The following ERC2 variants were observed in gnomAD, a reference collection of about 807,000 sequenced individuals.
The protein encoded by ERC2 is ELKS/RAB6-interacting/CAST family member 2, also known as ERC protein 2.
Under a neutral mutation model 114.8 loss-of-function variants are expected in ERC2, and 42 were observed. That is an observed-to-expected ratio of 0.37 (90% CI 0.29 to 0.47). The LOEUF (loss-of-function observed/expected upper bound fraction) is 0.47, where lower values mean the gene tolerates loss of function less well. Among genes scored for constraint, ERC2 ranks in the 20% least tolerant of loss-of-function variants. ERC2 has a pLI of 0.99. For synonymous variants in ERC2, 454 were observed against 425.5 expected (o/e 1.07, Z -0.82); for missense variants, 939 against 1,150.7 (o/e 0.82, Z 2.66).
chr3:55,524,871 C>G (rs1663123752), intron 17 of ERC2, among the ~76,000 whole-genome samples: 5 of 152,202 alleles, frequency 3.3e-5, no homozygotes, highest in Admixed American at 3.3e-4. Flanking sequence ...TGTGCCAAAG[C>G]AGAAGAAATT....
At chr3:55,996,221 C>T (rs2071498832) in intron 10 of ERC2, among the ~76,000 whole-genome samples, 1 of 152,166 alleles carries the variant, frequency 6.6e-6, no homozygotes, top group African/African-American at 2.4e-5. Context: ...CCTTTCTATA[C>T]TTCTAAGGAA....
intron 17 of ERC2, among the ~76,000 whole-genome samples, chr3:55,679,379 T>G (rs1428753477): frequency 6.6e-6 from 1 of 152,228 alleles, no homozygotes; most frequent in African/African-American, 2.4e-5. Context: ...AGATGCTTGC[T>G]GAACATCCTT....
chr3:56,363,909 G>A (rs1337095804), intron 2 of ERC2, among the ~76,000 whole-genome samples: 1 of 151,034 alleles, frequency 6.6e-6, no homozygotes, highest in African/African-American at 2.4e-5. Context: ...AGGAAGGGAA[G>A]GAGGGTAGGA....
In ERC2 at chr3:55,997,109, G is replaced by A. The variant is rs183152107; in HGVS notation, c.2062-4859C>T. Among the ~76,000 whole-genome samples, 30 of 152,210 alleles carry A rather than the reference G, an allele frequency of 2.0e-4. No individual in the cohort carries two copies. The East Asian group carries it at 4.0e-3, about 21-fold the overall frequency. On this transcript the variant is annotated intron_variant, in intron 10 of 17. Coordinates refer to ENST00000288221, the MANE Select transcript of ERC2 (RefSeq NM_015576.3). The stretch of plus-strand genomic sequence containing the variant: ...ATTCAATTATTACATTATATAACAC[G>A]TTCCCTTTGAAATAAACCCTACCAA...
At chr3:56,125,743 T>C (rs781601874) in intron 6 of ERC2, among the ~76,000 whole-genome samples, 3 of 152,222 alleles carry the variant, frequency 2.0e-5, no homozygotes, top group East Asian at 1.9e-4. Context: ...AAGTATACTT[T>C]AGCTGAGTCG....
chr3:56,336,077 T>C (rs1171578732), intron 2 of ERC2, among the ~76,000 whole-genome samples: 1 of 152,152 alleles, frequency 6.6e-6, no homozygotes, highest in Non-Finnish European at 1.5e-5. Context: ...AGAAACACCA[T>C]ACGCAAAAGC....
chr3:56,112,016 C>G (rs983165104), intron 6 of ERC2, among the ~76,000 whole-genome samples: 2 of 152,190 alleles, frequency 1.3e-5, no homozygotes, highest in Non-Finnish European at 2.9e-5. Context: ...CTCAGAGAAT[C>G]TGTGCAGAAT....
In ERC2 at chr3:56,170,968, T is replaced by G. The variant is rs867904599; in HGVS notation, c.1149+2478A>C. ...TTTTAGTAGAGACGGGGTTTCACCG[T>G]GTTAGTCAGGATGGTCTCATCTCCT... On this transcript the variant is annotated intron_variant, in intron 4 of 17. Coordinates refer to ENST00000288221, the MANE Select transcript of ERC2 (RefSeq NM_015576.3). 6.6e-5 allele frequency among the ~76,000 whole-genome samples: 10 copies of G among 152,072 alleles called. 1 individual carries two copies. In the South Asian group the frequency reaches 2.1e-3, roughly 32 times the overall value.
chr3:56,090,550 A>G (rs1172107074), intron 6 of ERC2, among the ~76,000 whole-genome samples: 1 of 152,240 alleles, frequency 6.6e-6, no homozygotes, highest in Non-Finnish European at 1.5e-5. Flanking sequence ...AAGTTTTAGC[A>G]TAAGAGTGGA....
intron 14 of ERC2, among the ~76,000 whole-genome samples, chr3:55,851,188 T>TTTTTTTTTTTTTTTTTTTTTTTG (rs1427189122): frequency 3.4e-5 from 5 of 147,986 alleles, no homozygotes; most frequent in Non-Finnish European, 4.5e-5. Context: ...ATGATTTTTT[T>TTTTTTTTTTTTTTTTTTTTTTTG]AAGCCCATGC....
intron 17 of ERC2, among the ~76,000 whole-genome samples, chr3:55,622,877 C>T (rs970522834): frequency 6.6e-6 from 1 of 151,934 alleles, no homozygotes; most frequent in Non-Finnish European, 1.5e-5. Context: ...AAGTTGGTTC[C>T]GACCGAGACT....
chr3:56,175,384 C>T (rs2082921777), intron 3 of ERC2, among the ~76,000 whole-genome samples: 1 of 152,160 alleles, frequency 6.6e-6, no homozygotes, highest in Admixed American at 6.5e-5. Flanking sequence ...ATGAAGTCAA[C>T]CATTACCAAA....
At chr3:55,880,146 T>C (rs929419691) in intron 14 of ERC2, among the ~76,000 whole-genome samples, 3 of 152,134 alleles carry the variant, frequency 2.0e-5, no homozygotes, top group Non-Finnish European at 2.9e-5. Flanking sequence ...AGGGATTGGA[T>C]AGCTGGAACT....
At chr3:56,395,104 A>G (rs2060259469) in intron 2 of ERC2, among the ~76,000 whole-genome samples, 1 of 152,266 alleles carries the variant, frequency 6.6e-6, no homozygotes, top group South Asian at 2.1e-4. Context: ...GAAATTAAAT[A>G]GGAGTGATTG....
chr3:56,238,411 G>C (rs1331752764), intron 3 of ERC2, among the ~76,000 whole-genome samples: 1 of 152,220 alleles, frequency 6.6e-6, no homozygotes, highest in South Asian at 2.1e-4. Flanking sequence ...AGTGGGGCCT[G>C]GAAGTGAAGA....
intron 13 of ERC2, among the ~76,000 whole-genome samples, chr3:55,921,452 A>C (rs919532747): frequency 2.0e-5 from 3 of 152,092 alleles, no homozygotes; most frequent in Admixed American, 1.3e-4. Flanking sequence ...GAGTTTTATC[A>C]GGCAAGGTTT....
intron 6 of ERC2, among the ~76,000 whole-genome samples, chr3:56,118,518 T>C (rs2079378722): frequency 6.6e-6 from 1 of 152,136 alleles, no homozygotes. Flanking sequence ...AAGAACATAT[T>C]ATGTGCCAGG....
chr3:56,029,358 A>G (rs2074242317), intron 7 of ERC2, among the ~76,000 whole-genome samples: 1 of 151,908 alleles, frequency 6.6e-6, no homozygotes, highest in South Asian at 2.1e-4. Context: ...AATTAGTAGG[A>G]AAGTGTTCCC....
chr3:55,616,707 T>C (rs924153034), intron 17 of ERC2, among the ~76,000 whole-genome samples: 1 of 151,576 alleles, frequency 6.6e-6, no homozygotes, highest in Non-Finnish European at 1.5e-5. Flanking sequence ...CAAACTAGCA[T>C]GGTAGGGACT....
Sources: gnomAD v4.1 joint callset for allele counts (sites outside exome capture counted in the v4.1 genomes callset) on GRCh38, gnomAD v4.1.1 for gene constraint, MANE v1.5 for transcripts, NCBI Gene and HGNC (gene_info 2026-07-23, HGNC 2026-07-21) for gene names.